The following UBAC2 variants were observed in gnomAD, a reference collection of about 807,000 sequenced individuals.
UBAC2 encodes the protein ubiquitin-associated domain-containing protein 2.
A neutral mutation model predicts 44.0 loss-of-function variants in UBAC2; 26 were observed. The observed-to-expected ratio is 0.59, with a 90% confidence interval of 0.43 to 0.82. The LOEUF is 0.82. UBAC2 is among the 40% of genes least tolerant of loss of function. The probability of loss-of-function intolerance (pLI) is 0.00; values close to 1 mark genes in which losing one functional copy is unlikely to be tolerated. For missense variants in UBAC2, 329 were observed against 419.4 expected (o/e 0.78, Z 1.88); for synonymous variants, 155 against 154.3 (o/e 1.00, Z -0.04).
chr13:99,279,297 T>C (rs2043923304), intron 4 of UBAC2, among the ~76,000 whole-genome samples: 1 of 152,156 alleles, frequency 6.6e-6, no homozygotes. Context: ...AGTTGACTAA[T>C]AAAAAGTTGA....
rs1327598960 is a variant in UBAC2 at position 99,385,590 on chromosome 13, C to T, written c.*255C>T. ...TTCCCTAGGTTGGAGAGTCAGCACT[C>T]GTTTTGAATGTGTTTAAAATGCATT... On this transcript the variant is annotated 3_prime_UTR_variant, in exon 9 of 9. Coordinates refer to ENST00000403766, the MANE Select transcript of UBAC2 (RefSeq NM_001144072.2). The T allele has an allele frequency of 6.5e-6, 3 of 460,816 alleles. No homozygotes were observed. Among genetic ancestry groups the T allele is most frequent in the East Asian group, 3.5e-5 (1 of 28,298 alleles). The allele number at this position is 460,816 out of a possible 1,614,324, so 28.5% of individuals were successfully genotyped here.
chr13:99,362,740 A>G (rs746470006), intron 7 of UBAC2, among the ~76,000 whole-genome samples: 4 of 152,184 alleles, frequency 2.6e-5, no homozygotes, highest in Non-Finnish European at 5.9e-5. Flanking sequence ...TTATAAGTTC[A>G]TAAGTGTCAT....
At chr13:99,222,287 A>G (rs1021797222) in intron 1 of UBAC2, among the ~76,000 whole-genome samples, 1 of 152,236 alleles carries the variant, frequency 6.6e-6, no homozygotes, top group African/African-American at 2.4e-5. Flanking sequence ...GGCCACTCTG[A>G]GGAGGTGCTC....
chr13:99,208,797 G>T (rs897124649), intron 1 of UBAC2, among the ~76,000 whole-genome samples: 1 of 152,220 alleles, frequency 6.6e-6, no homozygotes, highest in Non-Finnish European at 1.5e-5. Context: ...AGCCTCGCAC[G>T]TAGTTAAAGC....
chr13:99,297,421 C>A (rs1315456752), intron 4 of UBAC2, among the ~76,000 whole-genome samples: 1 of 152,106 alleles, frequency 6.6e-6, no homozygotes, highest in Non-Finnish European at 1.5e-5. Context: ...ACTATCTCTA[C>A]CCTGATCAAA....
chr13:99,357,380 C>T lies in UBAC2; in HGVS notation c.808-10407C>T, dbSNP rs574536735. On this transcript the variant is annotated intron_variant, in intron 7 of 8. Transcript: ENST00000403766. ...CTAACAAGATGCCTCTCGTTCAGTC[C>T]TGAAGTGCTTCTTGTTTAGTTTTTA... Among the ~76,000 whole-genome samples the T allele has an allele frequency of 2.0e-5, 3 of 152,338 alleles. 1 individual carries two copies. The South Asian group carries it at 6.2e-4, about 32-fold the overall frequency.
intron 6 of UBAC2, among the ~76,000 whole-genome samples, chr13:99,331,624 G>T (rs1205081953): frequency 6.6e-6 from 1 of 152,326 alleles, no homozygotes; most frequent in East Asian, 1.9e-4. Flanking sequence ...AGAATAGCAA[G>T]TCTCAGAGTA....
intron 4 of UBAC2, among the ~76,000 whole-genome samples, chr13:99,291,985 A>G (rs181692714): frequency 1.3e-5 from 2 of 152,130 alleles, no homozygotes; most frequent in Non-Finnish European, 1.5e-5. Flanking sequence ...ATCTATACCT[A>G]TTGTTGGGTT....
chr13:99,381,167 G>A (rs1172437444), intron 8 of UBAC2, among the ~76,000 whole-genome samples: 2 of 152,250 alleles, frequency 1.3e-5, no homozygotes, highest in African/African-American at 2.4e-5. Context: ...GACCTAAGGG[G>A]TTCTTCCCTC....
chr13:99,268,405 G>A lies in UBAC2; in HGVS notation c.389+23781G>A, dbSNP rs373050743. Among the ~76,000 whole-genome samples the A allele has an allele frequency of 7.2e-5, 11 of 152,104 alleles. No individual in the cohort carries two copies. In the East Asian group the frequency reaches 2.1e-3, roughly 29 times the overall value. On this transcript the variant is annotated intron_variant, in intron 4 of 8. Coordinates refer to ENST00000403766, the MANE Select transcript of UBAC2 (RefSeq NM_001144072.2). ...AGGCAGGCAGATCGTTTGAGTCCTG[G>A]AGACCATCCTGGGCAACATAGCAAA...
chr13:99,209,071 T>C (rs185298985), intron 1 of UBAC2, among the ~76,000 whole-genome samples: 267 of 152,338 alleles, frequency 1.8e-3, no homozygotes, highest in Non-Finnish European at 3.4e-3. Context: ...TGGGACTGCG[T>C]GTTCCTTGCC....
At chr13:99,248,635 G>A (rs531795160) in intron 4 of UBAC2, among the ~76,000 whole-genome samples, 1 of 152,228 alleles carries the variant, frequency 6.6e-6, no homozygotes, top group African/African-American at 2.4e-5. Flanking sequence ...GACCTGCCTT[G>A]GCCTCCCAAA....
intron 7 of UBAC2, among the ~76,000 whole-genome samples, chr13:99,348,895 C>A (rs2045034061): frequency 6.6e-6 from 1 of 152,146 alleles, no homozygotes; most frequent in Admixed American, 6.5e-5. Flanking sequence ...TGCCTGTAGT[C>A]CCAGCTACTC....
Position 99,245,990 on chromosome 13 carries a change from T to C in UBAC2, c.389+1366T>C, listed in dbSNP as rs55661380. Among the ~76,000 whole-genome samples, 716 of 152,336 alleles carry C rather than the reference T, an allele frequency of 4.7e-3. 6 individuals carry two copies. The highest frequency in any genetic ancestry group is 0.016 in the African/African-American group (674 of 41,562). ...GAAATGAGATAGTATGAAATATAGA[T>C]ACCAGATATTTAAAATTCTGTGTGT... is the stretch of plus-strand genomic sequence containing the variant. On this transcript the variant is annotated intron_variant, in intron 4 of 8. Coordinates refer to ENST00000403766, the MANE Select transcript of UBAC2 (RefSeq NM_001144072.2).
At chr13:99,311,010 T>C (rs148607942) in intron 4 of UBAC2, among the ~76,000 whole-genome samples, 1 of 152,314 alleles carries the variant, frequency 6.6e-6, no homozygotes, top group African/African-American at 2.4e-5. Flanking sequence ...TTAAAAATGA[T>C]AAAAAGGAAG....
chr13:99,329,508 A>C (rs1240043815), intron 6 of UBAC2, among the ~76,000 whole-genome samples: 2 of 152,220 alleles, frequency 1.3e-5, no homozygotes, highest in African/African-American at 2.4e-5. Flanking sequence ...AATGAATAGA[A>C]TGTGGCAAAA....
chr13:99,315,619 C>T (rs1161523451), intron 5 of UBAC2, among the ~76,000 whole-genome samples: 4 of 152,060 alleles, frequency 2.6e-5, no homozygotes, highest in Admixed American at 2.6e-4. Flanking sequence ...TTTTTCTGAG[C>T]CCCCATTTCC....
intron 4 of UBAC2, among the ~76,000 whole-genome samples, chr13:99,266,497 T>C (rs2043745938): frequency 6.6e-6 from 1 of 152,222 alleles, no homozygotes; most frequent in Non-Finnish European, 1.5e-5. Flanking sequence ...TAAAACATTT[T>C]GGCTTGTAGA....
chr13:99,250,587 A>AT (rs1393286590), intron 4 of UBAC2, among the ~76,000 whole-genome samples: 2 of 151,810 alleles, frequency 1.3e-5, no homozygotes, highest in Non-Finnish European at 2.9e-5. Context: ...TTTTAGAATA[A>AT]TTTTTTCTAA....
Sources: gnomAD v4.1 joint callset for allele counts (sites outside exome capture counted in the v4.1 genomes callset) on GRCh38, gnomAD v4.1.1 for gene constraint, MANE v1.5 for transcripts, NCBI Gene and HGNC (gene_info 2026-07-23, HGNC 2026-07-21) for gene names.